The following STK36 variants were observed in gnomAD, a reference collection of about 807,000 sequenced individuals.
STK36 encodes serine/threonine-protein kinase 36.
STK36 carries 116 observed loss-of-function variants against 142.2 expected under a neutral mutation model. The observed-to-expected ratio is 0.82, with a 90% confidence interval of 0.70 to 0.95. The LOEUF (loss-of-function observed/expected upper bound fraction) is 0.95. Ranked by LOEUF, STK36 falls within the 40% of genes least tolerant of loss-of-function variation. The pLI is 0.00. For synonymous variants in STK36, 619 were observed against 641.7 expected, an observed-to-expected ratio of 0.96 and a Z score of 0.53; for missense variants, 1,422 against 1,617.2, an observed-to-expected ratio of 0.88 and a Z score of 2.07.
chr2:218,673,345 C>A (rs529105031), intron 2 of STK36: 1 of 435,742 alleles, frequency 2.3e-6, no homozygotes, highest in Non-Finnish European at 4.0e-6. Flanking sequence ...TTTTCCTTTC[C>A]TTTCTCCTAA....
At chr2:218,701,236 G>A (rs1286436182) in intron 26 of STK36, among the ~76,000 whole-genome samples, 13 of 150,476 alleles carry the variant, frequency 8.6e-5, no homozygotes, top group South Asian at 2.1e-4. Flanking sequence ...CCGGGTTCAC[G>A]CCATTCTGCC....
At chr2:218,682,248 A>G (rs57252475) in intron 10 of STK36, among the ~76,000 whole-genome samples, 9,130 of 151,946 alleles carry the variant, frequency 0.06, 912 homozygotes, top group African/African-American at 0.21. Flanking sequence ...TTTTACCCCA[A>G]ATTCATCAGT....
Position 218,699,243 on chromosome 2 carries a change from A to AC in STK36, c.3703dup (p.Gln1235ProfsTer43). The AC allele has an allele frequency of 6.2e-7, 1 of 1,613,756 alleles. No individual in the cohort carries two copies. The highest frequency in any genetic ancestry group is 1.1e-5 in the South Asian group (1 of 91,060). On this transcript the variant is annotated frameshift_variant, in exon 26 of 27. Coordinates refer to ENST00000295709, the MANE Select transcript of STK36 (RefSeq NM_015690.5). LOFTEE classifies it high-confidence loss of function. ...GAGAGGAGCTGTTACAGTGCGAAGT[A>AC]CCCCAGCGGCTCCTAGAAATGGCAT... is the stretch of plus-strand genomic sequence containing the variant.
In STK36 at chr2:218,692,563, CT is replaced by C. The variant is rs780227745; in HGVS notation, c.1916-19del. On this transcript the variant is annotated intron_variant, in intron 15 of 26. Transcript: ENST00000295709. ...CAAGAGCCTCAGGCCTTTGGAGTTA[CT>C]CTTTGCTTTTCTCCACAGGAGCCCC... The C allele has an allele frequency of 5.0e-6, 8 of 1,603,904 alleles. No individual in the cohort carries two copies. The African/African-American group carries it at 1.1e-4, about 21-fold the overall frequency.
At chr2:218,687,698 A>G (rs1267617246) in intron 11 of STK36, among the ~76,000 whole-genome samples, 6 of 152,192 alleles carry the variant, frequency 3.9e-5, no homozygotes, top group Non-Finnish European at 5.9e-5. Context: ...TACTTACTTG[A>G]CTTATGCAGA....
At position 218,676,174 on chromosome 2, in the gene STK36, G is replaced by T. The variant is rs1450989689; in HGVS notation, c.580G>T (p.Ala194Ser). The change falls in exon 6 of 27, where the codon GCA (alanine) becomes TCA (serine). Residue 194 changes from alanine (A) to serine (S), a missense_variant. By Grantham distance (99) the Ala-to-Ser change is moderately conservative. Around this residue, in one of 2 missense-constraint regions of STK36, gnomAD observed 460 missense variants for 449.6 expected, o/e 1.02. Transcript: ENST00000295709. ...WSVGCILYEL[A>S]VGTPPFYATS... ...TGTTGGCTGCATACTATATGAACTG[G>T]CAGTAGGCACCCCTCCCTTCTATGC... is the stretch of plus-strand genomic sequence containing the variant. 6.2e-7 allele frequency: 1 copy of T among 1,614,042 alleles called. No individual in the cohort carries two copies. The highest frequency in any genetic ancestry group is 2.2e-5 in the East Asian group (1 of 44,878).
In STK36 at chr2:218,692,273, T is replaced by C; in HGVS notation, c.1895T>C (p.Leu632Pro). 6.2e-7 allele frequency: 1 copy of C among 1,614,158 alleles called. No homozygotes were observed. The highest frequency in any genetic ancestry group is 8.5e-7 in the Non-Finnish European group (1 of 1,180,032). ...CTTCATGGCTTGACAGTTCCACAGC[T>C]CCCTGTCCACACTCCCCAAGGTAAC... ...GLLHGLTVPQ[L>P]PVHTPQGAPQ... Residue 632 changes from leucine to proline, a missense_variant, in exon 15 of 27, where the codon CTC becomes CCC. Coordinates refer to ENST00000295709, the MANE Select transcript of STK36 (RefSeq NM_015690.5).
intron 24 of STK36, 57 bp downstream of exon 24, chr2:218,697,667 A>C: frequency 6.2e-7 from 1 of 1,607,784 alleles, no homozygotes; most frequent in South Asian, 1.1e-5. Context: ...AGAAAGAAGA[A>C]GGCAGGAAAG....
At position 218,697,024 on chromosome 2, in the gene STK36, C is replaced by T. The variant is rs1262037595; in HGVS notation, c.2587-15C>T. Reference sequence around the variant, plus strand: ...TTCTGTCTTTCCCCCCGCCCTCTTTCACTTTTATCTCTAGCAGGGGAAGGC... The same window carrying T: ...TTCTGTCTTTCCCCCCGCCCTCTTTTACTTTTATCTCTAGCAGGGGAAGGC... On this transcript the variant is annotated splice_polypyrimidine_tract_variant and intron_variant, in intron 22 of 26. Coordinates refer to ENST00000295709, the MANE Select transcript of STK36 (RefSeq NM_015690.5). The T allele has an allele frequency of 1.9e-6, 3 of 1,612,886 alleles. No homozygotes were observed. In the South Asian group the frequency reaches 3.3e-5, roughly 18 times the overall value.
intron 2 of STK36, chr2:218,673,366 G>C (rs763830440): frequency 4.3e-6 from 2 of 470,442 alleles, no homozygotes; most frequent in Admixed American, 3.9e-5. Flanking sequence ...ATCTCATCTT[G>C]AGTGCTGGTC....
intron 11 of STK36, among the ~76,000 whole-genome samples, chr2:218,686,308 A>G (rs1940776171): frequency 6.6e-6 from 1 of 151,558 alleles, no homozygotes; most frequent in South Asian, 2.1e-4. Context: ...TCTAGGCTGG[A>G]GTGTTGTAGC....
intron 6 of STK36, among the ~76,000 whole-genome samples, chr2:218,677,234 G>C (rs1282648703): frequency 6.6e-6 from 1 of 152,184 alleles, no homozygotes; most frequent in Non-Finnish European, 1.5e-5. Context: ...CACCCGGCCA[G>C]GGCTACACAC....
chr2:218,685,105 G>A lies in STK36; in HGVS notation c.1257G>A (p.Glu419=), dbSNP rs977453268. 2 of 1,614,096 alleles carry A rather than the reference G, an allele frequency of 1.2e-6. No homozygotes were observed. Among genetic ancestry groups the A allele is most frequent in the Non-Finnish European group, 8.5e-7 (1 of 1,180,000 alleles). The change falls in exon 11 of 27, where the codon GAG becomes GAA. Residue 419 remains glutamate (E), a synonymous_variant. Coordinates refer to ENST00000295709, the MANE Select transcript of STK36 (RefSeq NM_015690.5). Reference sequence around the variant, plus strand: ...CTCAGGAGCCAGACAGTGACAATGAGTGGCAGCACCTGCTAGAGACCACTG... The same window carrying A: ...CTCAGGAGCCAGACAGTGACAATGAATGGCAGCACCTGCTAGAGACCACTG... ...LENEEPDSDN[E]WQHLLETTEP...
chr2:218,694,191 C>A lies in STK36; in HGVS notation c.2337-73C>A. On this transcript the variant is annotated intron_variant, in intron 19 of 26. Coordinates refer to ENST00000295709, the MANE Select transcript of STK36 (RefSeq NM_015690.5). This position sits in a 1 kb window ranked among gnomAD's most constrained non-coding sequence, Gnocchi z 4.4. The stretch of plus-strand genomic sequence containing the variant: ...TGCAGCCTAGGTGAAGAACACCATG[C>A]AAGGGAGAGGGGAGGCCGCTTACCA... 2 of 1,335,336 alleles carry A rather than the reference C, an allele frequency of 1.5e-6. No individual in the cohort carries two copies. The highest frequency in any genetic ancestry group is 2.2e-6 in the Non-Finnish European group (2 of 927,324). 82.7% of individuals were successfully genotyped at this position (1,335,336 alleles called of 1,614,324 possible).
In STK36 at chr2:218,694,311, A is replaced by T; in HGVS notation, c.2384A>T (p.His795Leu). Residue 795 changes from histidine to leucine, a missense_variant, in exon 20 of 27, where the codon CAT becomes CTT. This residue lies in a region of STK36 where 962 missense variants were observed against 1,167.5 expected (regional missense o/e 0.82). Coordinates refer to ENST00000295709, the MANE Select transcript of STK36 (RefSeq NM_015690.5). The surrounding 1 kb of genome is among the most constrained non-coding windows in gnomAD (Gnocchi z 4.4). ...GTTGCTACTCTCTTTACCCATTCGCATGTCGTCTCTCTTGTGGTAAGTTTT... is the reference window on the plus strand; with the variant it reads ...GTTGCTACTCTCTTTACCCATTCGCTTGTCGTCTCTCTTGTGGTAAGTTTT... ...SDVATLFTHSHVVSLVSAAAC... is the reference protein window; with the variant it reads ...SDVATLFTHSLVVSLVSAAAC... 6.2e-7 allele frequency: 1 copy of T among 1,614,056 alleles called. No homozygotes were observed. The highest frequency in any genetic ancestry group is 8.5e-7 in the Non-Finnish European group (1 of 1,179,946).
At position 218,672,822 on chromosome 2, in the gene STK36, C is replaced by T. The variant is rs1300625564; in HGVS notation, c.-8C>T. 3 of 1,613,760 alleles carry T rather than the reference C, an allele frequency of 1.9e-6. No individual in the cohort carries two copies. The highest frequency in any genetic ancestry group is 2.5e-6 in the Non-Finnish European group (3 of 1,179,848). ...TTCTTCCTTCTAAGAGATCCTGAAA[C>T]CTCTGTCATGGAAAAGTACCACGTG... On this transcript the variant is annotated 5_prime_UTR_variant, in exon 2 of 27. Coordinates refer to ENST00000295709, the MANE Select transcript of STK36 (RefSeq NM_015690.5).
chr2:218,693,772 G>A lies in STK36; in HGVS notation c.2198G>A (p.Gly733Glu). Residue 733 changes from glycine (G) to glutamate (E), a missense_variant, in exon 18 of 27, where the codon GGG becomes GAG. This residue lies in a region of STK36 where 962 missense variants were observed against 1,167.5 expected (regional missense o/e 0.82). Transcript: ENST00000295709. ...AGTGAGGGCCTGTGCCGTCTTCTGG[G>A]GCAGGAGCCCCTGGCCTTGGAATCC... ...LVSEGLCRLL[G>E]QEPLALESLF... The A allele has an allele frequency of 6.2e-7, 1 of 1,614,084 alleles. No homozygotes were observed. Among genetic ancestry groups the A allele is most frequent in the Non-Finnish European group, 8.5e-7 (1 of 1,180,044 alleles).
intron 9 of STK36, 53 bp from the exon 10 acceptor site, chr2:218,680,550 C>A: frequency 6.8e-7 from 1 of 1,469,254 alleles, no homozygotes; most frequent in East Asian, 2.3e-5. Flanking sequence ...AGTTAACGAA[C>A]CCTAAGAGTC....
intron 6 of STK36, among the ~76,000 whole-genome samples, chr2:218,678,884 C>G (rs962883840): frequency 4.6e-5 from 7 of 152,170 alleles, no homozygotes; most frequent in Non-Finnish European, 8.8e-5. Context: ...TGTTTTTTCT[C>G]CCTTCTTTAC....
Sources: allele counts gnomAD v4.1 joint callset (sites outside exome capture counted in the v4.1 genomes callset), GRCh38; gene constraint gnomAD v4.1.1; regional missense constraint gnomAD v4.1.1; non-coding constraint Gnocchi (gnomAD v3.1); transcripts MANE v1.5; gene names NCBI Gene and HGNC (gene_info 2026-07-23, HGNC 2026-07-21).